SIPA1L2: variants seen among roughly 807,000 people sequenced by gnomAD.
SIPA1L2 encodes signal induced proliferation associated 1 like 2.
Under a neutral mutation model 163.9 loss-of-function variants are expected in SIPA1L2, and 56 were observed. That is an observed-to-expected ratio of 0.34 (90% CI 0.28 to 0.43). SIPA1L2 has a LOEUF of 0.43. Among genes scored for constraint, SIPA1L2 ranks in the 20% least tolerant of loss-of-function variants. The probability of loss-of-function intolerance (pLI) is 1.00; values close to 1 mark genes in which losing one functional copy is unlikely to be tolerated. For synonymous variants in SIPA1L2, 877 were observed against 865.7 expected (o/e 1.01, Z -0.23); for missense variants, 1,974 against 2,193.5 (o/e 0.90, Z 2.00).
chr1:232,461,195 C>T (rs1462805821), intron 9 of SIPA1L2, 34 bp from the exon 10 acceptor site: 1 of 1,598,236 alleles, frequency 6.3e-7, no homozygotes, highest in Non-Finnish European at 8.5e-7. Flanking sequence ...AGATGCCCTT[C>T]CTGCCCAAGC....
At chr1:232,562,895 G>A (rs1659125853) in intron 2 of SIPA1L2, among the ~76,000 whole-genome samples, 2 of 152,252 alleles carry the variant, frequency 1.3e-5, no homozygotes, top group Middle Eastern at 3.4e-3. Flanking sequence ...ATAAAAATTA[G>A]CCACCTAACA....
intron 2 of SIPA1L2, among the ~76,000 whole-genome samples, chr1:232,542,434 T>C (rs955453725): frequency 6.6e-6 from 1 of 152,196 alleles, no homozygotes; most frequent in Non-Finnish European, 1.5e-5. Flanking sequence ...TGGGTATTTA[T>C]CATAAAGTTC....
intron 1 of SIPA1L2, among the ~76,000 whole-genome samples, chr1:232,603,529 AAC>A (rs1041947291): frequency 2.0e-5 from 3 of 152,140 alleles, no homozygotes; most frequent in Non-Finnish European, 4.4e-5. Flanking sequence ...AGCGGAAAGC[AAC>A]AGAGGATGCG....
intron 2 of SIPA1L2, among the ~76,000 whole-genome samples, chr1:232,557,819 G>A (rs1480423240): frequency 2.6e-5 from 4 of 152,214 alleles, no homozygotes; most frequent in African/African-American, 9.6e-5. Flanking sequence ...ACAAAAGATT[G>A]TCAGCTAAAT....
chr1:232,491,691 G>A (rs1215547468), intron 4 of SIPA1L2, among the ~76,000 whole-genome samples: 1 of 152,106 alleles, frequency 6.6e-6, no homozygotes, highest in Non-Finnish European at 1.5e-5. Context: ...CTAATATGAT[G>A]AGAGAGAAAA....
chr1:232,514,614 C>T lies in SIPA1L2; in HGVS notation c.726G>A (p.Pro242=), dbSNP rs563100085. 3.4e-5 allele frequency: 55 copies of T among 1,614,142 alleles called. No homozygotes were observed. The Middle Eastern group carries it at 4.9e-4, about 15-fold the overall frequency. Residue 242 remains proline, a synonymous_variant, in exon 3 of 23, where the codon CCG becomes CCA. Coordinates refer to ENST00000674635, the MANE Select transcript of SIPA1L2 (RefSeq NM_020808.5). ...AAATCTGTGCTGCTGCATGAAGGCT[C>T]GGAGAGATTGCAGGGTCACAGCGGA... is the stretch of plus-strand genomic sequence containing the variant. The part of the protein sequence containing the change: ...EFFRCDPAIS[P]SLHAAAQISR...
intron 18 of SIPA1L2, among the ~76,000 whole-genome samples, chr1:232,420,922 C>T (rs537324488): frequency 1.8e-4 from 28 of 152,342 alleles, no homozygotes; most frequent in Admixed American, 1.0e-3. Flanking sequence ...ACGGTGACCT[C>T]CTGGCATAAC....
intron 3 of SIPA1L2, among the ~76,000 whole-genome samples, chr1:232,495,029 A>G (rs1666109560): frequency 6.6e-6 from 1 of 152,242 alleles, no homozygotes; most frequent in African/African-American, 2.4e-5. Flanking sequence ...GCTTGCCACA[A>G]TGATTTCTGA....
intron 2 of SIPA1L2, among the ~76,000 whole-genome samples, chr1:232,538,660 TC>T (rs1188991191): frequency 1.3e-5 from 2 of 148,806 alleles, no homozygotes; most frequent in African/African-American, 2.5e-5. Context: ...AATCTTAAAG[TC>T]CCCCAGGCTT....
intron 3 of SIPA1L2, among the ~76,000 whole-genome samples, chr1:232,501,846 C>T (rs1572992969): frequency 1.3e-5 from 2 of 152,304 alleles, no homozygotes; most frequent in South Asian, 2.1e-4. Context: ...TGATGGGGGA[C>T]GCAGGAGGCC....
chr1:232,577,026 C>T (rs958573867), intron 1 of SIPA1L2, among the ~76,000 whole-genome samples: 6 of 152,004 alleles, frequency 3.9e-5, no homozygotes, highest in Non-Finnish European at 7.3e-5. Flanking sequence ...TATTAGAAGA[C>T]GTCCTATAGG....
chr1:232,553,132 G>A (rs551981606), intron 2 of SIPA1L2, among the ~76,000 whole-genome samples: 1 of 152,330 alleles, frequency 6.6e-6, no homozygotes, highest in East Asian at 1.9e-4. Flanking sequence ...CCGAGTGGTG[G>A]AGGTGGCTCT....
At chr1:232,415,417 C>G in intron 19 of SIPA1L2, 77 bp downstream of exon 19, 1 of 1,489,522 alleles carries the variant, frequency 6.7e-7, no homozygotes, top group Non-Finnish European at 8.9e-7. Context: ...AGACGGGCTC[C>G]CCTAAGATGC....
In SIPA1L2 at chr1:232,514,572, G is replaced by A. The variant is rs755997566; in HGVS notation, c.768C>T (p.Val256=). 8 of 1,614,170 alleles carry A rather than the reference G, an allele frequency of 5.0e-6. No homozygotes were observed. Among genetic ancestry groups the A allele is most frequent in the Non-Finnish European group, 6.8e-6 (8 of 1,180,026 alleles). The change falls in exon 3 of 23, where the codon GTC becomes GTT. Residue 256 remains valine (V), a synonymous_variant. Transcript: ENST00000674635. The stretch of plus-strand genomic sequence containing the variant: ...CCACATAATCTAATCCTGAGATGCG[G>A]ACAAATTCTCCCCTAGAAATCTGTG... The part of the protein sequence containing the change: ...AAAQISRGEF[V]RISGLDYVDS...
At chr1:232,436,987 C>T (rs1396527274) in intron 15 of SIPA1L2, among the ~76,000 whole-genome samples, 1 of 152,148 alleles carries the variant, frequency 6.6e-6, no homozygotes, top group Non-Finnish European at 1.5e-5. Context: ...TGGGCCACAT[C>T]CAATTTAGAG....
intron 1 of SIPA1L2, among the ~76,000 whole-genome samples, chr1:232,608,933 A>G (rs1442663526): frequency 6.6e-6 from 1 of 152,184 alleles, no homozygotes; most frequent in Non-Finnish European, 1.5e-5. Flanking sequence ...CGGTCTTCTT[A>G]AAGTCAAACA....
chr1:232,563,739 G>A (rs1410810342), intron 2 of SIPA1L2, among the ~76,000 whole-genome samples: 2 of 152,178 alleles, frequency 1.3e-5, no homozygotes, highest in Admixed American at 1.3e-4. Flanking sequence ...TTTTATGACG[G>A]AGTCTCGCTC....
At chr1:232,570,884 G>A (rs1659687246) in intron 2 of SIPA1L2, among the ~76,000 whole-genome samples, 1 of 150,398 alleles carries the variant, frequency 6.6e-6, no homozygotes, top group Admixed American at 6.6e-5. Flanking sequence ...CTAAAATATG[G>A]AAAGTAATTT....
At chr1:232,457,833 G>A (rs1664014312) in intron 10 of SIPA1L2, among the ~76,000 whole-genome samples, 1 of 152,214 alleles carries the variant, frequency 6.6e-6, no homozygotes, top group Admixed American at 6.5e-5. Context: ...GCGGTCTAAA[G>A]CAAAGGGCTG....
Sources: gnomAD v4.1 joint callset for allele counts (sites outside exome capture counted in the v4.1 genomes callset) on GRCh38, gnomAD v4.1.1 for gene constraint, MANE v1.5 for transcripts, NCBI Gene and HGNC (gene_info 2026-07-23, HGNC 2026-07-21) for gene names.